ERCC2: variants seen among roughly 807,000 people sequenced by gnomAD.
The protein encoded by ERCC2 is general transcription and DNA repair factor IIH helicase subunit XPD.
In ERCC2, 90 loss-of-function variants were observed where a neutral mutation model predicts 99.4. The observed-to-expected ratio is 0.91, with a 90% confidence interval of 0.76 to 1.08. ERCC2 has a LOEUF of 1.08. Ranked by LOEUF, ERCC2 falls within the 50% of genes least tolerant of loss-of-function variation. The pLI, the probability that ERCC2 is intolerant of heterozygous loss-of-function variation, is 0.00. For missense variants in ERCC2, 993 were observed against 1,038.1 expected (o/e 0.96, Z 0.60); for synonymous variants, 497 against 432.4 (o/e 1.15, Z -1.85).
rs771479406 is a variant in ERCC2, at chr19:45,350,665, T to C, written c.*964A>G. On this transcript the variant is annotated 3_prime_UTR_variant, in exon 23 of 23. Transcript: ENST00000391945. Reference sequence around the variant, plus strand: ...GGCCCTTCGCCGCAGCAGCTCACTCTCCAAGATCCGTGAGTCTATCAGGCG... The same window carrying C: ...GGCCCTTCGCCGCAGCAGCTCACTCCCCAAGATCCGTGAGTCTATCAGGCG... The C allele has an allele frequency of 2.5e-6, 4 of 1,613,672 alleles. No homozygotes were observed. The highest frequency in any genetic ancestry group is 1.1e-5 in the South Asian group (1 of 91,032).
At chr19:45,363,609 G>A in intron 11 of ERCC2, 134 bp downstream of exon 11, 1 of 1,046,754 alleles carries the variant, frequency 9.6e-7, no homozygotes, top group Middle Eastern at 3.1e-4. Context: ...GACCAGACAA[G>A]GTCCCACGTG....
In ERCC2 at chr19:45,351,677, T is replaced by G; in HGVS notation, c.2235A>C (p.Glu745Asp). Reference protein sequence around the residue: ...GLSLLSLEQLESEETLKRIEQ... With the variant: ...GLSLLSLEQLDSEETLKRIEQ... ...CTATCCTCTTCAGCGTCTCCTCTGATTCTAGCTGCTCCAGGCTGAGCAGGG... is the reference window on the plus strand; with the variant it reads ...CTATCCTCTTCAGCGTCTCCTCTGAGTCTAGCTGCTCCAGGCTGAGCAGGG... The change falls in exon 23 of 23, where the codon GAA (glutamate) becomes GAC (aspartate). Residue 745 changes from glutamate (E) to aspartate (D), a missense_variant. Around this residue, in one of 3 missense-constraint regions of ERCC2, gnomAD observed 909 missense variants for 930.8 expected, o/e 0.98. Coordinates refer to ENST00000391945, the MANE Select transcript of ERCC2 (RefSeq NM_000400.4). 6.2e-7 allele frequency: 1 copy of G among 1,613,996 alleles called. No homozygotes were observed. Among genetic ancestry groups the G allele is most frequent in the Non-Finnish European group, 8.5e-7 (1 of 1,180,002 alleles).
intron 16 of ERCC2, 56 bp downstream of exon 16, chr19:45,355,609 G>C: frequency 1.4e-6 from 2 of 1,455,120 alleles, no homozygotes; most frequent in Admixed American, 1.7e-5. Flanking sequence ...CAGCCCACCT[G>C]ACTGATACAC....
At position 45,350,109 on chromosome 19, in the gene ERCC2, G is replaced by GATAC. The variant is rs1435743091; in HGVS notation, c.*1516_*1519dup. The GATAC allele has an allele frequency of 3.6e-6, 2 of 551,602 alleles. No homozygotes were observed. Among genetic ancestry groups the GATAC allele is most frequent in the Non-Finnish European group, 6.5e-6 (2 of 308,350 alleles). 34.2% of individuals were successfully genotyped at this position (551,602 alleles called of 1,614,324 possible). A position where few individuals can be genotyped will look rare whatever the true frequency, so the allele number is the denominator to read the frequency against. On this transcript the variant is annotated 3_prime_UTR_variant, in exon 23 of 23. Transcript: ENST00000391945. ...AGGGCAAGGCTTTAGGCAGGGGAAG[G>GATAC]ATACGGCCAGGTCAGCACATTAGAA...
chr19:45,354,990 G>A, intron 16 of ERCC2, 139 bp from the exon 17 acceptor site: 1 of 1,095,350 alleles, frequency 9.1e-7, no homozygotes, highest in South Asian at 1.3e-5. Flanking sequence ...CTCCTCCCGG[G>A]CGTGTCTGAG....
intron 22 of ERCC2, 52 bp from the exon 23 acceptor site, chr19:45,351,773 G>A: frequency 6.5e-7 from 1 of 1,544,036 alleles, no homozygotes; most frequent in Non-Finnish European, 8.9e-7. Flanking sequence ...CAGGGGCCCA[G>A]GCAGCTGCTG....
Position 45,353,306 on chromosome 19 carries a change from T to C in ERCC2, c.1694A>G (p.Lys565Arg), listed in dbSNP as rs1971891584. The C allele has an allele frequency of 6.2e-7, 1 of 1,613,840 alleles. No homozygotes were observed. Among genetic ancestry groups the C allele is most frequent in the Admixed American group, 1.7e-5 (1 of 59,972 alleles). ...ATCCTGGGTCTCAATAAAGAGCAGC[T>C]TGTTCCTCTGGATGTTCTCAAGGAT... ...QGILENIQRN[K>R]LLFIETQDGA... Residue 565 changes from lysine to arginine, a missense_variant, in exon 18 of 23, where the codon AAG (lysine) becomes AGG (arginine). By Grantham distance (26) the Lys-to-Arg change is conservative (BLOSUM62 2). Transcript: ENST00000391945.
intron 12 of ERCC2, chr19:45,358,739 T>A (rs41275760): frequency 5.5e-6 from 4 of 728,870 alleles, no homozygotes; most frequent in African/African-American, 1.7e-5. Context: ...TACGCAGACA[T>A]ATTCCAACAC....
At chr19:45,366,146 A>G (rs1341413954) in intron 5 of ERCC2, among the ~76,000 whole-genome samples, 2 of 64,856 alleles carry the variant, frequency 3.1e-5, no homozygotes, top group Admixed American at 2.4e-4. Flanking sequence ...AGCCAAAACT[A>G]ATATTTTATT....
rs768677952 is a variant in ERCC2 at position 45,357,533 on chromosome 19, C to T, written c.1318G>A (p.Ala440Thr). ...NPILHFSCMD[A>T]SLAIKPVFER... ...AATACGGGTTTGATGGCCAGCGAGGCGTCCATGCAGCTGGAGAGAGATGAG... is the reference window on the plus strand; with the variant it reads ...AATACGGGTTTGATGGCCAGCGAGGTGTCCATGCAGCTGGAGAGAGATGAG... The change falls in exon 14 of 23, where the codon GCC becomes ACC. Residue 440 changes from alanine to threonine, a missense_variant. Coordinates refer to ENST00000391945, the MANE Select transcript of ERCC2 (RefSeq NM_000400.4). The T allele has an allele frequency of 1.3e-5, 21 of 1,614,026 alleles. No individual in the cohort carries two copies. Among genetic ancestry groups the T allele is most frequent in the South Asian group, 5.5e-5 (5 of 91,090 alleles).
intron 5 of ERCC2, among the ~76,000 whole-genome samples, chr19:45,365,596 G>C (rs568674645): frequency 6.6e-6 from 1 of 152,084 alleles, no homozygotes; most frequent in African/African-American, 2.4e-5. Context: ...GGGCGACAGA[G>C]TGAGACACCA....
Position 45,357,550 on chromosome 19 carries a change from A to C in ERCC2, c.1308-7T>G, listed in dbSNP as rs1454074652. The stretch of plus-strand genomic sequence containing the variant: ...CAGCGAGGCGTCCATGCAGCTGGAG[A>C]GAGATGAGGGCAGTGAGGGCCCGGG... On this transcript the variant is annotated splice_region_variant and splice_polypyrimidine_tract_variant and intron_variant, in intron 13 of 22. Transcript: ENST00000391945. The C allele has an allele frequency of 6.2e-7, 1 of 1,614,032 alleles. No individual in the cohort carries two copies. The highest frequency in any genetic ancestry group is 1.7e-5 in the Admixed American group (1 of 60,002).
intron 12 of ERCC2, among the ~76,000 whole-genome samples, chr19:45,359,559 G>A (rs1320865708): frequency 3.9e-5 from 6 of 152,128 alleles, no homozygotes; most frequent in South Asian, 4.1e-4. Flanking sequence ...TCCCTCTCTC[G>A]TAACCTGAAA....
At position 45,351,492 on chromosome 19, in the gene ERCC2, C is replaced by T. The variant is rs545076380; in HGVS notation, c.*137G>A. ...CCTGGTGGATAGCTGCCTTCTCCTG[C>T]GATTAAAGGCTGTGGACGTGACAGT... On this transcript the variant is annotated 3_prime_UTR_variant, in exon 23 of 23. Coordinates refer to ENST00000391945, the MANE Select transcript of ERCC2 (RefSeq NM_000400.4). The T allele has an allele frequency of 1.1e-4, 170 of 1,588,982 alleles. 1 individual carries two copies. The highest frequency in any genetic ancestry group is 3.4e-4 in the Middle Eastern group (2 of 5,952).
chr19:45,361,124 C>T (rs3916826), intron 12 of ERCC2, among the ~76,000 whole-genome samples: 248 of 140,450 alleles, frequency 1.8e-3, no homozygotes, highest in African/African-American at 5.7e-3. Flanking sequence ...AGCAAGACTC[C>T]GTCTCAAAAA....
rs1326383070 is a variant in ERCC2, at chr19:45,349,925, G to A, written c.*1704C>T. On this transcript the variant is annotated 3_prime_UTR_variant, in exon 23 of 23. Coordinates refer to ENST00000391945, the MANE Select transcript of ERCC2 (RefSeq NM_000400.4). The stretch of plus-strand genomic sequence containing the variant: ...TCGCTAGTTCTTATAGCGTCCCTAT[G>A]AGGTGGGAGCTGTCGCTCCACTTTG... 2.3e-6 allele frequency: 1 copy of A among 429,254 alleles called. No individual in the cohort carries two copies. Among genetic ancestry groups the A allele is most frequent in the Non-Finnish European group, 4.2e-6 (1 of 239,274 alleles). The allele number at this position is 429,254 out of a possible 1,614,324, so 26.6% of individuals were successfully genotyped here.
intron 11 of ERCC2, chr19:45,362,013 C>T: frequency 3.9e-6 from 1 of 253,334 alleles, no homozygotes; most frequent in Non-Finnish European, 7.9e-6. Context: ...CTCGACTCCG[C>T]CTCCTGGGTT....
chr19:45,368,617 A>G lies in ERCC2; in HGVS notation c.360+13T>C. 1 of 1,555,348 alleles carries G rather than the reference A, an allele frequency of 6.4e-7. No homozygotes were observed. The highest frequency in any genetic ancestry group is 8.9e-7 in the Non-Finnish European group (1 of 1,126,370). ...CTCTGGGCTAAGGGCAAGGAGAAGGAACAGGTGCTCACCTCAGGGTGAATA... is the reference window on the plus strand; with the variant it reads ...CTCTGGGCTAAGGGCAAGGAGAAGGGACAGGTGCTCACCTCAGGGTGAATA... On this transcript the variant is annotated intron_variant, in intron 5 of 22. Transcript: ENST00000391945.
At chr19:45,367,148 C>A (rs1417020990) in intron 5 of ERCC2, among the ~76,000 whole-genome samples, 1 of 152,082 alleles carries the variant, frequency 6.6e-6, no homozygotes, top group Non-Finnish European at 1.5e-5. Context: ...ACCAGCCTAA[C>A]CAACATGGTG....
Sources: gnomAD v4.1 joint callset for allele counts (sites outside exome capture counted in the v4.1 genomes callset) on GRCh38, gnomAD v4.1.1 for gene constraint, gnomAD v4.1.1 regional missense constraint, MANE v1.5 for transcripts, NCBI Gene and HGNC (gene_info 2026-07-23, HGNC 2026-07-21) for gene names.